LDB2: variants seen among roughly 807,000 people sequenced by gnomAD.
LDB2 encodes the protein LIM domain binding 2, also known as LIM domain-binding protein 2.
A neutral mutation model predicts 44.3 loss-of-function variants in LDB2; 12 were observed. That is an observed-to-expected ratio of 0.27 (90% CI 0.17 to 0.44). The LOEUF is 0.44. Among genes scored for constraint, LDB2 ranks in the 20% least tolerant of loss-of-function variants. The probability of loss-of-function intolerance (pLI) is 1.00; values close to 1 mark genes in which losing one functional copy is unlikely to be tolerated. For synonymous variants in LDB2, 164 were observed against 174.8 expected (o/e 0.94, Z 0.49); for missense variants, 344 against 473.5 (o/e 0.73, Z 2.54).
rs1391709319 is a variant in LDB2, at chr4:16,533,881, C to A, written c.616-21777G>T. ...AGTTCATGCCTACCGAAGTAAAAAT[C>A]TTCATGCCAGTGAGGCTTTTAAGTA... On this transcript the variant is annotated intron_variant, in intron 5 of 7. Transcript: ENST00000304523. The surrounding 1 kb of genome is among the most constrained non-coding windows in gnomAD (Gnocchi z 4.1). Among the ~76,000 whole-genome samples the A allele has an allele frequency of 6.6e-6, 1 of 152,188 alleles. No homozygotes were observed. Among genetic ancestry groups the A allele is most frequent in the Non-Finnish European group, 1.5e-5 (1 of 68,030 alleles).
chr4:16,808,061 C>T (rs781566476), intron 1 of LDB2, among the ~76,000 whole-genome samples: 1 of 151,938 alleles, frequency 6.6e-6, no homozygotes. Context: ...GAATGTACAC[C>T]TTTACACACT....
chr4:16,686,391 A>T (rs1749251995), intron 2 of LDB2, among the ~76,000 whole-genome samples: 1 of 152,216 alleles, frequency 6.6e-6, no homozygotes, highest in Non-Finnish European at 1.5e-5. Flanking sequence ...ATTCTTACTG[A>T]TGCAGAGGCT....
At chr4:16,701,253 C>T (rs189290099) in intron 2 of LDB2, among the ~76,000 whole-genome samples, 2 of 152,284 alleles carry the variant, frequency 1.3e-5, no homozygotes, top group Admixed American at 1.3e-4. Context: ...TATCAGTGCT[C>T]AATAGATAAC....
chr4:16,530,358 A>C (rs993122589), intron 5 of LDB2, among the ~76,000 whole-genome samples: 3 of 152,154 alleles, frequency 2.0e-5, no homozygotes, highest in Admixed American at 2.0e-4. Context: ...TCTAGTCTCA[A>C]ACTTCCTTGC....
chr4:16,560,245 C>A (rs76900643), intron 5 of LDB2, among the ~76,000 whole-genome samples: 2,014 of 151,920 alleles, frequency 0.013, 45 homozygotes, highest in African/African-American at 0.046. Context: ...ATAGTGACAC[C>A]AAAAACCCTT....
intron 6 of LDB2, among the ~76,000 whole-genome samples, chr4:16,509,130 T>C (rs1426203748): frequency 2.0e-5 from 3 of 152,170 alleles, no homozygotes; most frequent in Non-Finnish European, 4.4e-5. Context: ...AGTATGAACT[T>C]TAAATAGCCA....
intron 5 of LDB2, among the ~76,000 whole-genome samples, chr4:16,542,101 T>TGGG (rs71649965): frequency 0.019 from 1,587 of 83,522 alleles, 98 homozygotes; most frequent in South Asian, 0.036. Flanking sequence ...CATCAGGTGG[T>TGGG]GGGGGGGGGG....
intron 2 of LDB2, among the ~76,000 whole-genome samples, chr4:16,651,900 A>T (rs1738381666): frequency 6.6e-6 from 1 of 152,176 alleles, no homozygotes; most frequent in Non-Finnish European, 1.5e-5. Context: ...GTTACTATAG[A>T]GAGCTCTTAC....
At chr4:16,720,332 C>G (rs1201811616) in intron 2 of LDB2, among the ~76,000 whole-genome samples, 1 of 152,106 alleles carries the variant, frequency 6.6e-6, no homozygotes, top group Non-Finnish European at 1.5e-5. Flanking sequence ...TCCTGAGGAA[C>G]AGGAAATTCC....
chr4:16,703,302 A>G (rs1474631349), intron 2 of LDB2, among the ~76,000 whole-genome samples: 1 of 152,250 alleles, frequency 6.6e-6, no homozygotes, highest in Non-Finnish European at 1.5e-5. Context: ...AGAAGAAGCC[A>G]GTCGTGGAAG....
At chr4:16,808,868 C>T (rs1257238706) in intron 1 of LDB2, among the ~76,000 whole-genome samples, 1 of 152,170 alleles carries the variant, frequency 6.6e-6, no homozygotes, top group Non-Finnish European at 1.5e-5. Context: ...ATGGCTAGCT[C>T]TCCACCGAAA....
chr4:16,675,372 C>A (rs1326828017), intron 2 of LDB2, among the ~76,000 whole-genome samples: 3 of 152,022 alleles, frequency 2.0e-5, no homozygotes, highest in South Asian at 2.1e-4. Context: ...CAATATAAAT[C>A]AAAATACAAA....
At chr4:16,544,961 G>A (rs772382469) in intron 5 of LDB2, among the ~76,000 whole-genome samples, 1 of 152,136 alleles carries the variant, frequency 6.6e-6, no homozygotes, top group Admixed American at 6.5e-5. Context: ...TGTGTGCGCC[G>A]AATCCTGAGG....
At chr4:16,523,229 A>C (rs1209130648) in intron 5 of LDB2, among the ~76,000 whole-genome samples, 1 of 152,178 alleles carries the variant, frequency 6.6e-6, no homozygotes, top group Non-Finnish European at 1.5e-5. Flanking sequence ...TGTCAATAGT[A>C]CCAAATTCTA....
chr4:16,830,502 G>C (rs1444608395), intron 1 of LDB2, among the ~76,000 whole-genome samples: 1 of 152,194 alleles, frequency 6.6e-6, no homozygotes, highest in Admixed American at 6.5e-5. Context: ...CTTTATAGCA[G>C]TGTAAGAACA....
chr4:16,509,684 C>T (rs1279533316), intron 6 of LDB2, among the ~76,000 whole-genome samples: 1 of 152,140 alleles, frequency 6.6e-6, no homozygotes, highest in Non-Finnish European at 1.5e-5. Context: ...CCTTCTCCTG[C>T]CAGTTACTGA....
At chr4:16,865,753 A>G (rs1259906713) in intron 1 of LDB2, among the ~76,000 whole-genome samples, 1 of 152,210 alleles carries the variant, frequency 6.6e-6, no homozygotes, top group East Asian at 1.9e-4. Context: ...GGAGAAACAA[A>G]GAGAAGGGGC....
At chr4:16,797,970 G>A (rs1777063137) in intron 1 of LDB2, among the ~76,000 whole-genome samples, 1 of 150,830 alleles carries the variant, frequency 6.6e-6, no homozygotes, top group Admixed American at 6.6e-5. Context: ...AGAAGGCAGA[G>A]GTTGCAGTGA....
intron 2 of LDB2, among the ~76,000 whole-genome samples, chr4:16,711,246 G>A (rs1755803357): frequency 6.6e-6 from 1 of 152,192 alleles, no homozygotes; most frequent in African/African-American, 2.4e-5. Flanking sequence ...AGAGCAAAAT[G>A]GTGTTTAGGG....
Sources: gnomAD v4.1 joint callset for allele counts (sites outside exome capture counted in the v4.1 genomes callset) on GRCh38, gnomAD v4.1.1 for gene constraint, Gnocchi (gnomAD v3.1) non-coding constraint, MANE v1.5 for transcripts, NCBI Gene and HGNC (gene_info 2026-07-23, HGNC 2026-07-21) for gene names.